The following SETD1B variants were observed in gnomAD, a reference collection of about 807,000 sequenced individuals.
SETD1B encodes the protein SET domain containing 1B, histone lysine methyltransferase, also known as histone-lysine N-methyltransferase SETD1B.
A neutral mutation model predicts 148.0 loss-of-function variants in SETD1B; 7 were observed. The ratio of observed to expected loss-of-function variants is 0.05; its 90% CI spans 0.03 to 0.09. The LOEUF is 0.09. Among genes scored for constraint, SETD1B ranks in the 10% least tolerant of loss-of-function variants. The probability of loss-of-function intolerance (pLI) is 1.00; values close to 1 mark genes in which losing one functional copy is unlikely to be tolerated. For missense variants in SETD1B, 2,155 were observed against 2,729.9 expected, an observed-to-expected ratio of 0.79 and a Z score of 4.69; for synonymous variants, 1,361 against 1,186.5, an observed-to-expected ratio of 1.15 and a Z score of -3.02.
the SETD1B span, among the ~76,000 whole-genome samples, chr12:121,791,032 C>T: frequency 1.3e-5 from 2 of 152,008 alleles, no homozygotes; most frequent in East Asian, 3.9e-4. Context: ...TGCCAACACG[C>T]CTGGCTAATT....
chr12:121,805,357 G>A lies in SETD1B; in HGVS notation c.273+141G>A. ...AAGTTTTGGCGGGGAGGGGTAGAGC[G>A]CTGGCGAGAGGGTGTCCCCTCTCAG... On this transcript the variant is annotated intron_variant, in intron 3 of 16. Coordinates refer to ENST00000604567, the MANE Select transcript of SETD1B (RefSeq NM_001353345.2). This position sits in a 1 kb window ranked among gnomAD's most constrained non-coding sequence, Gnocchi z 4.2. 1 of 678,958 alleles carries A rather than the reference G, an allele frequency of 1.5e-6. No homozygotes were observed. The highest frequency in any genetic ancestry group is 2.6e-6 in the Non-Finnish European group (1 of 387,576). The allele number at this position is 678,958 out of a possible 1,614,324, so 42.1% of individuals were successfully genotyped here. A position where few individuals can be genotyped will look rare whatever the true frequency, so the allele number is the denominator to read the frequency against.
intron 11 of SETD1B, 67 bp from the exon 12 acceptor site, chr12:121,822,423 A>G: frequency 1.4e-6 from 2 of 1,469,568 alleles, no homozygotes; most frequent in Non-Finnish European, 1.8e-6. Flanking sequence ...TATGGAGCAC[A>G]AAATAAGGCA....
chr12:121,799,722 G>GGAGGGGGGT (rs1875214664), upstream of SETD1B: 1 of 123,004 alleles, frequency 8.1e-6, no homozygotes. Flanking sequence ...GCAGCTGGGG[G>GGAGGGGGGT]GGGGGGGGTG....
chr12:121,798,386 G>A, the SETD1B span, among the ~76,000 whole-genome samples: 2 of 152,032 alleles, frequency 1.3e-5, no homozygotes, highest in African/African-American at 4.8e-5. Flanking sequence ...GCTTCAGCAG[G>A]TGGGCTGGTG....
chr12:121,793,070 G>T, the SETD1B span: 1 of 1,200,270 alleles, frequency 8.3e-7, no homozygotes, highest in Non-Finnish European at 1.2e-6. Context: ...GCAGGGCGGG[G>T]ACACCCAGTG....
At position 121,817,163 on chromosome 12, in the gene SETD1B, T is replaced by G; in HGVS notation, c.2846T>G (p.Leu949Arg). 1 of 1,549,548 alleles carries G rather than the reference T, an allele frequency of 6.5e-7. No individual in the cohort carries two copies. The highest frequency in any genetic ancestry group is 8.7e-7 in the Non-Finnish European group (1 of 1,146,922). ...GGCCTGGGCTACGAGGGCCTGGGCC[T>G]GGGCATTGGGCTGCGTGGGGCCATT... ...GEGLGYEGLG[L>R]GIGLRGAIRL... Residue 949 changes from leucine to arginine, a missense_variant, in exon 8 of 17, where the codon CTG becomes CGG. This residue lies in a region of SETD1B where 289 missense variants were observed against 423.7 expected (regional missense o/e 0.68). Transcript: ENST00000604567. This position sits in a 1 kb window ranked among gnomAD's most constrained non-coding sequence, Gnocchi z 8.1.
In SETD1B at chr12:121,808,608, AGAGCC is replaced by A. The variant is rs1875860800; in HGVS notation, c.657+289_657+293del. ...CACAGGCTGTGATTCCCACAGACCCAGAGCCTGCCCTGGCCCGCTTTTCCACGTTG... is the reference window on the plus strand; with the variant it reads ...CACAGGCTGTGATTCCCACAGACCCATGCCCTGGCCCGCTTTTCCACGTTG... On this transcript the variant is annotated intron_variant, in intron 5 of 16. Coordinates refer to ENST00000604567, the MANE Select transcript of SETD1B (RefSeq NM_001353345.2). The surrounding 1 kb of genome is among the most constrained non-coding windows in gnomAD (Gnocchi z 5.3). Among the ~76,000 whole-genome samples, 1 of 152,234 alleles carries A rather than the reference AGAGCC, an allele frequency of 6.6e-6. No individual in the cohort carries two copies. Among genetic ancestry groups the A allele is most frequent in the Admixed American group, 6.5e-5 (1 of 15,286 alleles).
chr12:121,822,676 T>G lies in SETD1B; in HGVS notation c.4097T>G (p.Leu1366Arg). Residue 1366 changes from leucine to arginine, a missense_variant, in exon 12 of 17, where the codon CTC becomes CGC. Physicochemically the swap from Leu to Arg is moderately radical, Grantham distance 102. Transcript: ENST00000604567. ...GACCACCCCCCGCATACTCCAGGCC[T>G]CTGTGGCAGCCTGGCCAAGTCGCAG... ...AEDHPPHTPG[L>R]CGSLAKSQST... 1 of 1,542,582 alleles carries G rather than the reference T, an allele frequency of 6.5e-7. No homozygotes were observed. The highest frequency in any genetic ancestry group is 8.8e-7 in the Non-Finnish European group (1 of 1,140,594).
In SETD1B at chr12:121,828,084, G is replaced by T. The variant is rs759388179; in HGVS notation, c.5727+14G>T. ...CACAGCTGCAACGTGAGTGCCCAGC[G>T]GGGGGTGGCCCCTGCCCCTGCTCCT... On this transcript the variant is annotated intron_variant, in intron 16 of 16. Transcript: ENST00000604567. 3 of 1,550,728 alleles carry T rather than the reference G, an allele frequency of 1.9e-6. No homozygotes were observed. Among genetic ancestry groups the T allele is most frequent in the African/African-American group, 1.4e-5 (1 of 73,058 alleles).
At position 121,832,346 on chromosome 12, in the gene SETD1B, T is replaced by C. The variant is rs1176332159; in HGVS notation, c.*2107T>C. The C allele has an allele frequency of 3.9e-5, 6 of 154,474 alleles. No individual in the cohort carries two copies. The highest frequency in any genetic ancestry group is 1.4e-4 in the African/African-American group (6 of 41,452). The allele number at this position is 154,474 out of a possible 1,614,324, so 9.6% of individuals were successfully genotyped here. A position where few individuals can be genotyped will look rare whatever the true frequency, so the allele number is the denominator to read the frequency against. On this transcript the variant is annotated 3_prime_UTR_variant, in exon 17 of 17. Coordinates refer to ENST00000604567, the MANE Select transcript of SETD1B (RefSeq NM_001353345.2). ...AGAGTGGTTTGCAATAATCAAGATA[T>C]GTGTCGAGTCATTTTTCTTTCAACT...
In SETD1B at chr12:121,817,101, C is replaced by T. The variant is rs1350896990; in HGVS notation, c.2784C>T (p.Ile928=). Reference sequence around the variant, plus strand: ...ACAGGCCGAAGCCCAAGGACCGCATCGCCTCGTGCCTGCTGGAGTCATGGG... The same window carrying T: ...ACAGGCCGAAGCCCAAGGACCGCATTGCCTCGTGCCTGCTGGAGTCATGGG... ...DEDRPKPKDR[I]ASCLLESWGK... is the part of the protein sequence containing the mutation. The change falls in exon 8 of 17, where the codon ATC becomes ATT. Residue 928 remains isoleucine, a synonymous_variant. Coordinates refer to ENST00000604567, the MANE Select transcript of SETD1B (RefSeq NM_001353345.2). This position sits in a 1 kb window ranked among gnomAD's most constrained non-coding sequence, Gnocchi z 8.1. 8.4e-6 allele frequency: 13 copies of T among 1,549,006 alleles called. No individual in the cohort carries two copies. The highest frequency in any genetic ancestry group is 2.0e-5 in the Admixed American group (1 of 50,988).
intron 16 of SETD1B, among the ~76,000 whole-genome samples, chr12:121,829,361 T>G (rs1876987741): frequency 6.6e-6 from 1 of 152,156 alleles, no homozygotes. Context: ...CAAGAGGCCC[T>G]TCCGGGACTG....
chr12:121,795,375 T>TAC, the SETD1B span: 1 of 152,364 alleles, frequency 6.6e-6, no homozygotes, highest in South Asian at 2.1e-4. Flanking sequence ...GGGAACCCTT[T>TAC]ACTGAAGGCT....
Position 121,825,354 on chromosome 12 carries a change from C to T in SETD1B, c.5325C>T (p.Pro1775=), listed in dbSNP as rs760977188. The T allele has an allele frequency of 3.6e-5, 56 of 1,549,924 alleles. No homozygotes were observed. Among genetic ancestry groups the T allele is most frequent in the African/African-American group, 1.1e-4 (8 of 73,044 alleles). The change falls in exon 13 of 17, where the codon CCC becomes CCT. Residue 1775 remains proline, a synonymous_variant. Coordinates refer to ENST00000604567, the MANE Select transcript of SETD1B (RefSeq NM_001353345.2). ...GCCGTGCCAGCACCGATGAGCCCCC[C>T]GCAGACACCCAGGTACTGCCAGGGC... is the stretch of plus-strand genomic sequence containing the variant. The part of the protein sequence containing the change: ...NSSRASTDEP[P]ADTQGMSIPA...
intron 5 of SETD1B, among the ~76,000 whole-genome samples, chr12:121,809,167 C>T (rs1252362460): frequency 2.0e-5 from 3 of 152,234 alleles, no homozygotes; most frequent in East Asian, 3.8e-4. Context: ...AGCCACCACG[C>T]CTGGCCTCTG....
In SETD1B at chr12:121,827,623, T is replaced by C. The variant is rs1451177907; in HGVS notation, c.5442T>C (p.Ser1814=). 7 of 1,551,494 alleles carry C rather than the reference T, an allele frequency of 4.5e-6. No individual in the cohort carries two copies. The Admixed American group carries it at 1.4e-4, about 30-fold the overall frequency. Residue 1814 remains serine (S), a synonymous_variant, in exon 14 of 17, where the codon AGT becomes AGC. Transcript: ENST00000604567. ...LLSSFTGSCD[S]DLLKFNQLKF... The stretch of plus-strand genomic sequence containing the variant: ...CCTCCTTCACTGGCAGCTGTGACAG[T>C]GACCTGCTCAAGTTCAACCAGCTCA...
chr12:121,806,732 C>T (rs1239231181), intron 4 of SETD1B, among the ~76,000 whole-genome samples: 6 of 152,202 alleles, frequency 3.9e-5, no homozygotes, highest in Non-Finnish European at 8.8e-5. Flanking sequence ...ACTGTGTCTT[C>T]CCTCCTCTCT....
chr12:121,808,202 C>A lies in SETD1B; in HGVS notation c.545-6C>A. 1 of 1,549,754 alleles carries A rather than the reference C, an allele frequency of 6.5e-7. No individual in the cohort carries two copies. Among genetic ancestry groups the A allele is most frequent in the Non-Finnish European group, 8.7e-7 (1 of 1,145,518 alleles). ...ACTGAGTTCCCCCTTTCCTGCCCAT[C>A]TACAGGGGAAACCCGAATGCGGTTC... On this transcript the variant is annotated splice_polypyrimidine_tract_variant and splice_region_variant and intron_variant, in intron 4 of 16. Coordinates refer to ENST00000604567, the MANE Select transcript of SETD1B (RefSeq NM_001353345.2). This position sits in a 1 kb window ranked among gnomAD's most constrained non-coding sequence, Gnocchi z 5.3.
chr12:121,830,381 C>T lies in SETD1B; in HGVS notation c.*142C>T. On this transcript the variant is annotated 3_prime_UTR_variant, in exon 17 of 17. Coordinates refer to ENST00000604567, the MANE Select transcript of SETD1B (RefSeq NM_001353345.2). This position sits in a 1 kb window ranked among gnomAD's most constrained non-coding sequence, Gnocchi z 5.7. ...CCCAGCGGCCATTCAGGGCCTGGCG[C>T]CCCACACTACCCCCTGGAGCCCCTG... 5.5e-6 allele frequency: 4 copies of T among 721,126 alleles called. No individual in the cohort carries two copies. The highest frequency in any genetic ancestry group is 8.8e-6 in the Non-Finnish European group (4 of 453,914). 44.7% of individuals were successfully genotyped at this position (721,126 alleles called of 1,614,324 possible).
Sources: allele counts gnomAD v4.1 joint callset (sites outside exome capture counted in the v4.1 genomes callset), GRCh38; gene constraint gnomAD v4.1.1; regional missense constraint gnomAD v4.1.1; non-coding constraint Gnocchi (gnomAD v3.1); transcripts MANE v1.5; gene names NCBI Gene and HGNC (gene_info 2026-07-23, HGNC 2026-07-21).